GPHN: variants seen among roughly 807,000 people sequenced by gnomAD.
The protein encoded by GPHN is gephyrin.
GPHN carries 17 observed loss-of-function variants against 95.5 expected under a neutral mutation model. The observed-to-expected ratio is 0.18, with a 90% CI of 0.12 to 0.27. The LOEUF (loss-of-function observed/expected upper bound fraction) is 0.27. Ranked by LOEUF, GPHN falls within the 10% of genes least tolerant of loss-of-function variation. GPHN has a pLI of 1.00. For missense variants in GPHN, 660 were observed against 978.1 expected (o/e 0.67, Z 4.34); for synonymous variants, 320 against 322.5 (o/e 0.99, Z 0.08).
chr14:66,846,071 G>A (rs1251824229), intron 4 of GPHN, among the ~76,000 whole-genome samples: 1 of 152,168 alleles, frequency 6.6e-6, no homozygotes, highest in East Asian at 1.9e-4. Context: ...TAAAACTGCA[G>A]TAGTTAAAAT....
At chr14:66,825,292 C>G (rs2061348969) in intron 4 of GPHN, among the ~76,000 whole-genome samples, 3 of 152,004 alleles carry the variant, frequency 2.0e-5, no homozygotes, top group Admixed American at 1.3e-4. Context: ...TACCCAACCC[C>G]CCAAAAGTGT....
At chr14:67,651,360 T>C in the GPHN span, 2 of 1,613,098 alleles carry the variant, frequency 1.2e-6, no homozygotes, top group Non-Finnish European at 1.7e-6. Context: ...AAAGTTCTGG[T>C]CCACAAACCC....
chr14:67,145,866 A>G (rs1384513922), intron 18 of GPHN, among the ~76,000 whole-genome samples: 1 of 152,216 alleles, frequency 6.6e-6, no homozygotes, highest in African/African-American at 2.4e-5. Flanking sequence ...TTCCATTTAA[A>G]TTATACTCTA....
At chr14:66,561,713 C>T (rs1388503099) in intron 1 of GPHN, among the ~76,000 whole-genome samples, 2 of 152,062 alleles carry the variant, frequency 1.3e-5, no homozygotes, top group African/African-American at 2.4e-5. Flanking sequence ...ACAAAAGTTA[C>T]TATACTTTTA....
At chr14:67,106,149 A>G (rs1389521390) in intron 13 of GPHN, among the ~76,000 whole-genome samples, 1 of 152,150 alleles carries the variant, frequency 6.6e-6, no homozygotes, top group Non-Finnish European at 1.5e-5. Context: ...CCTCATTTCC[A>G]AAGGATAGCT....
chr14:67,461,589 C>G, the GPHN span, among the ~76,000 whole-genome samples: 2 of 151,764 alleles, frequency 1.3e-5, no homozygotes, highest in Admixed American at 6.6e-5. Context: ...GCTGTCATCT[C>G]AAGGATATGA....
At chr14:67,632,150 G>GT in the GPHN span, among the ~76,000 whole-genome samples, 1 of 152,154 alleles carries the variant, frequency 6.6e-6, no homozygotes, top group East Asian at 1.9e-4. Flanking sequence ...GCCTCTCAAA[G>GT]TGTTGGGATT....
chr14:66,842,075 C>CA (rs1238077316), intron 4 of GPHN, among the ~76,000 whole-genome samples: 1 of 148,322 alleles, frequency 6.7e-6, no homozygotes. Context: ...CCAACCCCCC[C>CA]AGCCCCGCCC....
the GPHN span, among the ~76,000 whole-genome samples, chr14:67,372,947 GAA>G: frequency 6.6e-6 from 1 of 152,100 alleles, no homozygotes; most frequent in Non-Finnish European, 1.5e-5. Flanking sequence ...ATATGCACAT[GAA>G]AAGATGTTGA....
At chr14:67,415,231 A>T in the GPHN span, among the ~76,000 whole-genome samples, 1 of 152,230 alleles carries the variant, frequency 6.6e-6, no homozygotes, top group African/African-American at 2.4e-5. Flanking sequence ...ACATACTTTT[A>T]AATTAAATTT....
chr14:67,071,146 G>A (rs7145005), intron 11 of GPHN, among the ~76,000 whole-genome samples: 39,243 of 151,960 alleles, frequency 0.26, 10,342 homozygotes, highest in African/African-American at 0.65. Flanking sequence ...TATACCCAAA[G>A]GATTATAAAT....
the GPHN span, chr14:67,333,234 A>G: frequency 3.7e-6 from 1 of 270,938 alleles, no homozygotes; most frequent in Non-Finnish European, 7.0e-6. Flanking sequence ...TCCTGTTAAA[A>G]CCTTTTGTTT....
At chr14:66,719,869 C>T (rs1285805047) in intron 2 of GPHN, among the ~76,000 whole-genome samples, 1 of 152,084 alleles carries the variant, frequency 6.6e-6, no homozygotes, top group African/African-American at 2.4e-5. Flanking sequence ...GTGGTAATAA[C>T]TGATACATTC....
intron 1 of GPHN, among the ~76,000 whole-genome samples, chr14:66,526,544 C>T (rs1387452844): frequency 6.6e-6 from 1 of 152,136 alleles, no homozygotes. Flanking sequence ...AGAGTGCATC[C>T]TTGTCTTGTG....
At chr14:67,433,423 AT>A in the GPHN span, among the ~76,000 whole-genome samples, 25 of 151,728 alleles carry the variant, frequency 1.6e-4, no homozygotes, top group Non-Finnish European at 2.5e-4. Context: ...GGAATAAATG[AT>A]TTTTTTTTCA....
the GPHN span, among the ~76,000 whole-genome samples, chr14:67,212,632 T>G: frequency 1.4e-5 from 2 of 145,180 alleles, no homozygotes; most frequent in East Asian, 3.9e-4. Flanking sequence ...ATATTATATA[T>G]AATATATATT....
At chr14:67,083,551 C>G (rs1357523508) in intron 11 of GPHN, among the ~76,000 whole-genome samples, 1 of 152,152 alleles carries the variant, frequency 6.6e-6, no homozygotes, top group Non-Finnish European at 1.5e-5. Context: ...TACCCAGTCT[C>G]AGTATTTCTT....
At chr14:67,030,849 TG>T (rs1441010122) in intron 10 of GPHN, among the ~76,000 whole-genome samples, 4 of 152,168 alleles carry the variant, frequency 2.6e-5, no homozygotes, top group Non-Finnish European at 5.9e-5. Flanking sequence ...GTTGATTGGA[TG>T]ACTGCATAAA....
chr14:66,769,373 C>T (rs1268056055), intron 2 of GPHN, among the ~76,000 whole-genome samples: 1 of 151,942 alleles, frequency 6.6e-6, no homozygotes, highest in Non-Finnish European at 1.5e-5. Context: ...ATTTGTTATA[C>T]AGGTAAACTC....
Sources: allele counts gnomAD v4.1 joint callset (sites outside exome capture counted in the v4.1 genomes callset), GRCh38; gene constraint gnomAD v4.1.1; transcripts MANE v1.5; gene names NCBI Gene and HGNC (gene_info 2026-07-23, HGNC 2026-07-21).